Variants in RBBP8 observed in about 807,000 individuals in gnomAD.
RBBP8 encodes the protein RB binding protein 8, endonuclease, also known as DNA endonuclease RBBP8.
A neutral mutation model predicts 108.3 loss-of-function variants in RBBP8; 88 were observed. The observed-to-expected ratio is 0.81, with a 90% confidence interval of 0.68 to 0.97. The LOEUF (loss-of-function observed/expected upper bound fraction) is 0.97, where lower values mean the gene tolerates loss of function less well. Ranked by LOEUF, RBBP8 falls within the 50% of genes least tolerant of loss-of-function variation. RBBP8 has a pLI of 0.00. For missense variants in RBBP8, 1,023 were observed against 1,049.0 expected, an observed-to-expected ratio of 0.98 and a Z score of 0.34; for synonymous variants, 332 against 348.2, an observed-to-expected ratio of 0.95 and a Z score of 0.52.
At chr18:22,970,140 T>A (rs1238703843) in intron 5 of RBBP8, among the ~76,000 whole-genome samples, 2 of 152,196 alleles carry the variant, frequency 1.3e-5, no homozygotes, top group Admixed American at 6.5e-5. Context: ...ATCACTTCAT[T>A]TGTGTGAATT....
chr18:22,971,223 G>A (rs572026616), intron 5 of RBBP8, among the ~76,000 whole-genome samples: 5 of 151,690 alleles, frequency 3.3e-5, no homozygotes, highest in African/African-American at 9.7e-5. Flanking sequence ...GAACCACCCC[G>A]ACCCTCCCAC....
Position 22,993,305 on chromosome 18 carries a change from T to C in RBBP8, c.1478T>C (p.Leu493Pro), listed in dbSNP as rs200056784. 28 of 1,614,250 alleles carry C rather than the reference T, an allele frequency of 1.7e-5. No homozygotes were observed. The highest frequency in any genetic ancestry group is 2.2e-5 in the South Asian group (2 of 91,088). ...TGTGTGATGGATAAACCTCTGGATC[T>C]GTCTGATCGATTTTCAGCTATTCAG... The part of the protein sequence containing the change: ...GDCVMDKPLD[L>P]SDRFSAIQRQ... The change falls in exon 11 of 19, where the codon CTG becomes CCG. Residue 493 changes from leucine (L) to proline (P), a missense_variant. Leu to Pro is a moderately conservative substitution (Grantham distance 98). Coordinates refer to ENST00000327155, the MANE Select transcript of RBBP8 (RefSeq NM_002894.3).
At chr18:22,918,962 A>C (rs1014896128) in intron 3 of RBBP8, among the ~76,000 whole-genome samples, 1 of 152,188 alleles carries the variant, frequency 6.6e-6, no homozygotes, top group African/African-American at 2.4e-5. Context: ...CCTACAAAAA[A>C]ATTCCCTTCT....
intron 17 of RBBP8, among the ~76,000 whole-genome samples, chr18:23,017,130 G>A (rs113381759): frequency 5.4e-4 from 82 of 152,158 alleles, no homozygotes; most frequent in African/African-American, 1.9e-3. Flanking sequence ...CAAGGAGGGC[G>A]GATCACTTGA....
intron 14 of RBBP8, among the ~76,000 whole-genome samples, chr18:22,998,190 G>T (rs572861253): frequency 4.1e-4 from 62 of 152,264 alleles, no homozygotes; most frequent in African/African-American, 1.5e-3. Context: ...TGGTATAACA[G>T]TAAGTCTTGA....
chr18:23,022,157 G>A lies in RBBP8; in HGVS notation c.2483G>A (p.Arg828Lys), dbSNP rs768324191. 20 of 1,607,050 alleles carry A rather than the reference G, an allele frequency of 1.2e-5. No homozygotes were observed. The highest frequency in any genetic ancestry group is 1.7e-5 in the Non-Finnish European group (20 of 1,173,724). The change falls in exon 18 of 19, where the codon AGA becomes AAA. Residue 828 changes from arginine to lysine, a missense_variant. Physicochemically the swap from Arg to Lys is conservative, Grantham distance 26. Coordinates refer to ENST00000327155, the MANE Select transcript of RBBP8 (RefSeq NM_002894.3). ...IYYADMPAEE[R>K]EKKLASCSRH... The stretch of plus-strand genomic sequence containing the variant: ...TATGCAGATATGCCAGCAGAAGAAA[G>A]AGAAAAGAAATTGGCTTCCTGCTCA...
intron 1 of RBBP8, among the ~76,000 whole-genome samples, chr18:22,914,766 A>G (rs985785450): frequency 8.5e-5 from 13 of 152,172 alleles, no homozygotes; most frequent in African/African-American, 2.7e-4. Context: ...CATTCATTAG[A>G]GGAACAATTC....
chr18:23,010,228 G>T (rs577152967), intron 16 of RBBP8, among the ~76,000 whole-genome samples: 13 of 152,310 alleles, frequency 8.5e-5, no homozygotes, highest in South Asian at 8.3e-4. Context: ...ACACAGTGCT[G>T]CAGTGAATAA....
At chr18:22,977,045 T>C (rs1299878701) in intron 6 of RBBP8, among the ~76,000 whole-genome samples, 1 of 152,108 alleles carries the variant, frequency 6.6e-6, no homozygotes, top group Non-Finnish European at 1.5e-5. Flanking sequence ...GCTTAAGGCA[T>C]GTATGTTTAT....
Position 22,990,969 on chromosome 18 carries a change from T to C in RBBP8, c.840T>C (p.Asp280=), listed in dbSNP as rs774165620. Residue 280 remains aspartate (D), a synonymous_variant, in exon 10 of 19, where the codon GAT becomes GAC. Coordinates refer to ENST00000327155, the MANE Select transcript of RBBP8 (RefSeq NM_002894.3). ...AAGGTCCCATGAGCCCCCTTGGTGA[T>C]GAGCTCTACCACTGTCTGGAAGGAA... ...ETQGPMSPLG[D]ELYHCLEGNH... 2 of 1,613,786 alleles carry C rather than the reference T, an allele frequency of 1.2e-6. No individual in the cohort carries two copies. Among genetic ancestry groups the C allele is most frequent in the South Asian group, 2.2e-5 (2 of 91,064 alleles).
At chr18:23,000,154 C>A (rs896513720) in intron 14 of RBBP8, among the ~76,000 whole-genome samples, 4 of 151,982 alleles carry the variant, frequency 2.6e-5, no homozygotes, top group Non-Finnish European at 5.9e-5. Flanking sequence ...ATGGTAAGTC[C>A]AGGAGAAAGG....
chr18:22,971,284 T>G (rs1243182085), intron 5 of RBBP8, among the ~76,000 whole-genome samples: 1 of 152,196 alleles, frequency 6.6e-6, no homozygotes, highest in Non-Finnish European at 1.5e-5. Context: ...TTTCATTAGC[T>G]TTATTTTGCT....
rs780776332 is a variant in RBBP8, at chr18:22,993,586, C to T, written c.1759C>T (p.Pro587Ser). ...AGAAGAAAATGCTGTCTTTAAAATT[C>T]CTCTACGTCCACGTGAAAGTTTGGA... ...IKEENAVFKI[P>S]LRPRESLETE... The change falls in exon 11 of 19, where the codon CCT becomes TCT. Residue 587 changes from proline (P) to serine (S), a missense_variant. Physicochemically the swap from Pro to Ser is moderately conservative, Grantham distance 74 (BLOSUM62 -1). Coordinates refer to ENST00000327155, the MANE Select transcript of RBBP8 (RefSeq NM_002894.3). 6.2e-7 allele frequency: 1 copy of T among 1,614,060 alleles called. No homozygotes were observed. Among genetic ancestry groups the T allele is most frequent in the Non-Finnish European group, 8.5e-7 (1 of 1,180,018 alleles).
At chr18:22,997,800 T>A in intron 14 of RBBP8, 66 bp downstream of exon 14, 1 of 1,098,558 alleles carries the variant, frequency 9.1e-7, no homozygotes, top group Non-Finnish European at 1.4e-6. Context: ...GTTGTACCAT[T>A]GCACTGATTA....
chr18:23,022,668 T>TAAAATAAAATAAAATAAATA, intron 18 of RBBP8, among the ~76,000 whole-genome samples: 1 of 136,030 alleles, frequency 7.4e-6, no homozygotes, highest in Non-Finnish European at 1.6e-5. Flanking sequence ...TAAAATAAAA[T>TAAAATAAAATAAAATAAATA]AAATAACTGT....
chr18:22,934,164 G>A (rs1330655824), intron 1 of RBBP8: 1 of 152,298 alleles, frequency 6.6e-6, no homozygotes, highest in Non-Finnish European at 1.5e-5. Context: ...TGGGAGGTAA[G>A]ACGTGACGTT....
chr18:22,970,053 A>AT (rs759679024), intron 5 of RBBP8, among the ~76,000 whole-genome samples: 31 of 152,230 alleles, frequency 2.0e-4, no homozygotes, highest in Non-Finnish European at 3.8e-4. Flanking sequence ...TAGTATTCGC[A>AT]TATAACCTAC....
chr18:22,962,826 C>T (rs1480517150), intron 4 of RBBP8, among the ~76,000 whole-genome samples: 1 of 152,086 alleles, frequency 6.6e-6, no homozygotes, highest in Admixed American at 6.5e-5. Flanking sequence ...GTCTCGAACT[C>T]CTGGCCTCAA....
chr18:22,974,719 G>A (rs1225800123), intron 5 of RBBP8, among the ~76,000 whole-genome samples: 1 of 152,134 alleles, frequency 6.6e-6, no homozygotes, highest in African/African-American at 2.4e-5. Flanking sequence ...CTCCGCCTCT[G>A]AGTGCTGGGA....
Sources: allele counts gnomAD v4.1 joint callset (sites outside exome capture counted in the v4.1 genomes callset), GRCh38; gene constraint gnomAD v4.1.1; transcripts MANE v1.5; gene names NCBI Gene and HGNC (gene_info 2026-07-23, HGNC 2026-07-21).